The following PCDHGA5 variants were observed in gnomAD, a reference collection of about 807,000 sequenced individuals.
PCDHGA5 encodes the protein protocadherin gamma subfamily A, 5.
PCDHGA5 carries 36 observed loss-of-function variants against 56.7 expected under a neutral mutation model. That is an observed-to-expected ratio of 0.64 (90% CI 0.49 to 0.84). The LOEUF is 0.84. Ranked by LOEUF, PCDHGA5 falls within the 40% of genes least tolerant of loss-of-function variation. The probability of loss-of-function intolerance (pLI) is 0.00; values close to 1 mark genes in which losing one functional copy is unlikely to be tolerated. For missense variants in PCDHGA5, 1,305 were observed against 1,201.5 expected, an observed-to-expected ratio of 1.09 and a Z score of -1.27; for synonymous variants, 563 against 520.2, an observed-to-expected ratio of 1.08 and a Z score of -1.12.
At chr5:141,419,761 C>A in intron 1 of PCDHGA5, 1 of 1,614,008 alleles carries the variant, frequency 6.2e-7, no homozygotes, top group South Asian at 1.1e-5. Context: ...CTTTGGGTGA[C>A]AAGGACTCGG....
At chr5:141,483,737 G>T (rs1052778197) in intron 1 of PCDHGA5, among the ~76,000 whole-genome samples, 1 of 152,102 alleles carries the variant, frequency 6.6e-6, no homozygotes, top group Admixed American at 6.5e-5. Flanking sequence ...TAGTCAAAAG[G>T]ATATTCCTGA....
chr5:141,486,105 A>C lies in PCDHGA5; in HGVS notation c.2422-8702A>C. The stretch of plus-strand genomic sequence containing the variant: ...ACTCTTTTGGGGCCCCTAGACTTTG[A>C]GAGTGAGAATTACTATGAATTTGAT... On this transcript the variant is annotated intron_variant, in intron 1 of 3. Transcript: ENST00000518069. This position sits in a 1 kb window ranked among gnomAD's most constrained non-coding sequence, Gnocchi z 5.0. The C allele has an allele frequency of 1.2e-6, 2 of 1,614,138 alleles. No individual in the cohort carries two copies. The highest frequency in any genetic ancestry group is 1.7e-6 in the Non-Finnish European group (2 of 1,180,016).
intron 1 of PCDHGA5, among the ~76,000 whole-genome samples, chr5:141,463,479 C>T (rs1162346496): frequency 4.1e-5 from 5 of 120,544 alleles, no homozygotes; most frequent in Non-Finnish European, 8.1e-5. Flanking sequence ...GATGGAGTCT[C>T]GCTCTGTCAC....
At chr5:141,372,380 A>G in intron 1 of PCDHGA5, 1 of 1,613,964 alleles carries the variant, frequency 6.2e-7, no homozygotes, top group Non-Finnish European at 8.5e-7. Context: ...TGCTGCACCT[A>G]ATCTTCGCAG....
intron 1 of PCDHGA5, chr5:141,418,233 ATGT>A: frequency 6.2e-7 from 1 of 1,614,048 alleles, no homozygotes; most frequent in Admixed American, 1.7e-5. Context: ...GTGATTGAGG[ATGT>A]TAATGACCAC....
chr5:141,457,273 G>A (rs746102734), intron 1 of PCDHGA5, among the ~76,000 whole-genome samples: 7 of 152,144 alleles, frequency 4.6e-5, no homozygotes, highest in Admixed American at 1.3e-4. Context: ...CCCTCTGTGG[G>A]CCTACGAAGT....
rs1477077191 is a variant in PCDHGA5, at chr5:141,427,802, C to T, written c.2421+61051C>T. 7.3e-6 allele frequency: 11 copies of T among 1,510,148 alleles called. No individual in the cohort carries two copies. In the South Asian group the frequency reaches 9.0e-5, roughly 12 times the overall value. The allele number at this position is 1,510,148 out of a possible 1,614,324, so 93.5% of individuals were successfully genotyped here. A position where few individuals can be genotyped will look rare whatever the true frequency, so the allele number is the denominator to read the frequency against. On this transcript the variant is annotated intron_variant, in intron 1 of 3. Transcript: ENST00000518069. ...CACTGTCGTCCTACGTGTCCGTGAG[C>T]GCACAGAGCGGGGTGGTGGTCGCGC... is the stretch of plus-strand genomic sequence containing the variant.
chr5:141,386,939 A>T (rs2150323633), intron 1 of PCDHGA5, among the ~76,000 whole-genome samples: 1 of 152,358 alleles, frequency 6.6e-6, no homozygotes, highest in South Asian at 2.1e-4. Flanking sequence ...AGAGGTAGGA[A>T]GCAGTGCTTC....
rs776120937 is a variant in PCDHGA5 at position 141,388,588 on chromosome 5, C to A, written c.2421+21837C>A. On this transcript the variant is annotated intron_variant, in intron 1 of 3. Transcript: ENST00000518069. ...CAGATACACGTTCTAGTGACTGATG[C>A]CAATGATAATGCTCCAGTGTTCAGT... The A allele has an allele frequency of 1.9e-6, 3 of 1,613,876 alleles. No individual in the cohort carries two copies. The South Asian group carries it at 3.3e-5, about 18-fold the overall frequency.
chr5:141,489,470 T>C lies in PCDHGA5; in HGVS notation c.2422-5337T>C, dbSNP rs1030378524. 1 of 1,613,874 alleles carries C rather than the reference T, an allele frequency of 6.2e-7. No homozygotes were observed. The highest frequency in any genetic ancestry group is 8.5e-7 in the Non-Finnish European group (1 of 1,179,838). ...GAGGAGAATGGGCGCTATTTTTCCCTGAGCTTGATGAGTGGTGCCCTGGCA... is the reference window on the plus strand; with the variant it reads ...GAGGAGAATGGGCGCTATTTTTCCCCGAGCTTGATGAGTGGTGCCCTGGCA... On this transcript the variant is annotated intron_variant, in intron 1 of 3. Transcript: ENST00000518069. This position sits in a 1 kb window ranked among gnomAD's most constrained non-coding sequence, Gnocchi z 4.5.
At chr5:141,425,289 A>C (rs17208404) in intron 1 of PCDHGA5, among the ~76,000 whole-genome samples, 26,691 of 152,172 alleles carry the variant, frequency 0.18, 2,539 homozygotes, top group Admixed American at 0.28. Flanking sequence ...CATATTATAA[A>C]ACCTCATCTA....
At position 141,476,304 on chromosome 5, in the gene PCDHGA5, C is replaced by T. The variant is rs769790423; in HGVS notation, c.2422-18503C>T. On this transcript the variant is annotated intron_variant, in intron 1 of 3. Coordinates refer to ENST00000518069, the MANE Select transcript of PCDHGA5 (RefSeq NM_018918.3). The surrounding 1 kb of genome is among the most constrained non-coding windows in gnomAD (Gnocchi z 7.6). Reference sequence around the variant, plus strand: ...GGTTTGGATCTCGGTAGCCTCTCAGCCCGCAGGTTCCGGGTGGTGTCTGGA... The same window carrying T: ...GGTTTGGATCTCGGTAGCCTCTCAGTCCGCAGGTTCCGGGTGGTGTCTGGA... The T allele has an allele frequency of 6.2e-7, 1 of 1,613,746 alleles. No individual in the cohort carries two copies. Among genetic ancestry groups the T allele is most frequent in the Admixed American group, 1.7e-5 (1 of 59,988 alleles).
intron 1 of PCDHGA5, chr5:141,408,083 C>G (rs1045548793): frequency 3.5e-6 from 5 of 1,414,460 alleles, no homozygotes; most frequent in Non-Finnish European, 4.7e-6. Context: ...CCCAGCACAG[C>G]GGATTGCCAG....
intron 1 of PCDHGA5, chr5:141,415,152 C>T (rs758450562): frequency 6.2e-7 from 1 of 1,613,812 alleles, no homozygotes; most frequent in Admixed American, 1.7e-5. Context: ...CCCCTCTCTC[C>T]GCCACTGTCA....
chr5:141,371,142 A>G, intron 1 of PCDHGA5: 1 of 1,614,010 alleles, frequency 6.2e-7, no homozygotes, highest in Non-Finnish European at 8.5e-7. Flanking sequence ...GTACAGGGTC[A>G]ATGTTGCAGA....
intron 1 of PCDHGA5, chr5:141,423,310 G>A (rs1175296469): frequency 1.2e-6 from 2 of 1,614,180 alleles, no homozygotes; most frequent in Admixed American, 1.7e-5. Flanking sequence ...GCTGTACTTG[G>A]TGGTGGCGGT....
chr5:141,409,014 AG>A, intron 1 of PCDHGA5: 1 of 1,614,014 alleles, frequency 6.2e-7, no homozygotes, highest in Non-Finnish European at 8.5e-7. Context: ...GACCAGGATG[AG>A]GGGGTCAATG....
intron 1 of PCDHGA5, among the ~76,000 whole-genome samples, chr5:141,434,518 T>C (rs2097700303): frequency 6.6e-6 from 1 of 152,188 alleles, no homozygotes; most frequent in Admixed American, 6.5e-5. Flanking sequence ...CTTAAAGGTG[T>C]TCTTAAACCA....
chr5:141,411,028 T>C (rs2095458130), intron 1 of PCDHGA5: 1 of 163,058 alleles, frequency 6.1e-6, no homozygotes, highest in Admixed American at 6.2e-5. Flanking sequence ...TTTTTTGTAT[T>C]TTTAGTAGAC....
Sources: gnomAD v4.1 joint callset for allele counts (sites outside exome capture counted in the v4.1 genomes callset) on GRCh38, gnomAD v4.1.1 for gene constraint, Gnocchi (gnomAD v3.1) non-coding constraint, MANE v1.5 for transcripts, NCBI Gene and HGNC (gene_info 2026-07-23, HGNC 2026-07-21) for gene names.